Variants in RBPMS observed in about 807,000 individuals in gnomAD.
RBPMS encodes the protein RNA-binding protein with multiple splicing.
RBPMS carries 7 observed loss-of-function variants against 26.8 expected under a neutral mutation model. That is an observed-to-expected ratio of 0.26 (90% confidence interval 0.15 to 0.49). The LOEUF is 0.49. Ranked by LOEUF, RBPMS falls within the 20% of genes least tolerant of loss-of-function variation. The probability of loss-of-function intolerance (pLI) is 0.98; values close to 1 mark genes in which losing one functional copy is unlikely to be tolerated. For synonymous variants in RBPMS, 96 were observed against 93.3 expected (o/e 1.03, Z -0.17); for missense variants, 186 against 250.0 (o/e 0.74, Z 1.73).
intron 6 of RBPMS, among the ~76,000 whole-genome samples, chr8:30,550,225 A>T (rs1346651978): frequency 6.6e-6 from 1 of 151,998 alleles, no homozygotes; most frequent in Non-Finnish European, 1.5e-5. Flanking sequence ...TTTCCTTTCT[A>T]AGCTCATGGC....
At chr8:30,565,197 GA>G (rs1563458927) in intron 7 of RBPMS, 1 of 152,326 alleles carries the variant, frequency 6.6e-6, no homozygotes, top group South Asian at 2.1e-4. Context: ...AAGTTCTGGG[GA>G]AAATGTTTTC....
intron 4 of RBPMS, among the ~76,000 whole-genome samples, chr8:30,483,920 G>C (rs988344394): frequency 6.6e-6 from 1 of 152,096 alleles, no homozygotes; most frequent in Admixed American, 6.6e-5. Context: ...GCATTTACCA[G>C]AATCAAATTC....
intron 6 of RBPMS, among the ~76,000 whole-genome samples, chr8:30,550,385 A>C (rs1826256016): frequency 6.6e-6 from 1 of 152,194 alleles, no homozygotes; most frequent in African/African-American, 2.4e-5. Flanking sequence ...ATAAACACTT[A>C]AGAGAATGCC....
intron 5 of RBPMS, among the ~76,000 whole-genome samples, chr8:30,533,556 A>C (rs1824466528): frequency 6.6e-6 from 1 of 152,162 alleles, no homozygotes; most frequent in African/African-American, 2.4e-5. Context: ...AATTGGCAGT[A>C]AAAGACTTTT....
intron 4 of RBPMS, among the ~76,000 whole-genome samples, chr8:30,489,275 G>A (rs1819121675): frequency 6.6e-6 from 1 of 151,616 alleles, no homozygotes; most frequent in African/African-American, 2.4e-5. Flanking sequence ...TCAAACTCCT[G>A]GCCTCAAGTG....
intron 1 of RBPMS, among the ~76,000 whole-genome samples, chr8:30,466,513 TCCAGCCTGA>T (rs1382494156): frequency 6.6e-6 from 1 of 152,040 alleles, no homozygotes; most frequent in East Asian, 1.9e-4. Flanking sequence ...ACCGCTGCAC[TCCAGCCTGA>T]CCAGAACGAG....
At chr8:30,414,500 C>T (rs746888637) in intron 1 of RBPMS, among the ~76,000 whole-genome samples, 3 of 152,158 alleles carry the variant, frequency 2.0e-5, no homozygotes, top group Non-Finnish European at 4.4e-5. Context: ...CTCTGCTCTG[C>T]TGGGATCCCA....
chr8:30,489,106 GTGCCATCATGA>G (rs1819100653), intron 4 of RBPMS, among the ~76,000 whole-genome samples: 2 of 151,920 alleles, frequency 1.3e-5, no homozygotes, highest in Non-Finnish European at 2.9e-5. Flanking sequence ...GAGTGCAGTG[GTGCCATCATGA>G]CTCACTACAG....
intron 1 of RBPMS, among the ~76,000 whole-genome samples, chr8:30,428,087 G>A (rs560977688): frequency 8.8e-4 from 129 of 146,230 alleles, no homozygotes; most frequent in African/African-American, 2.8e-3. Context: ...GCAGTGATGC[G>A]ATCTTGGCTC....
rs543816402 is a variant in RBPMS at position 30,536,214 on chromosome 8, G to A, written c.398-8280G>A. ...ACGATCTCGGCTCACCGCAACCTCCGCCTCCCAGGTTCAAGCCATTCTCCT... is the reference window on the plus strand; with the variant it reads ...ACGATCTCGGCTCACCGCAACCTCCACCTCCCAGGTTCAAGCCATTCTCCT... On this transcript the variant is annotated intron_variant, in intron 5 of 8. Coordinates refer to ENST00000397323, the MANE Select transcript of RBPMS (RefSeq NM_001008710.3). Among the ~76,000 whole-genome samples the A allele has an allele frequency of 1.2e-3, 169 of 146,930 alleles. 1 individual carries two copies. Among genetic ancestry groups the A allele is most frequent in the Non-Finnish European group, 1.3e-3 (86 of 67,298 alleles).
chr8:30,415,822 T>A (rs1810002657), intron 1 of RBPMS, among the ~76,000 whole-genome samples: 3 of 152,230 alleles, frequency 2.0e-5, no homozygotes, highest in Non-Finnish European at 4.4e-5. Context: ...TTGGAAGAGT[T>A]ATTCCAGGAG....
At chr8:30,481,780 C>G (rs200397138) in intron 4 of RBPMS, among the ~76,000 whole-genome samples, 2 of 152,112 alleles carry the variant, frequency 1.3e-5, no homozygotes, top group Non-Finnish European at 2.9e-5. Flanking sequence ...TTACTGAGCT[C>G]CTGGCTGATC....
At chr8:30,562,150 G>A (rs112615489) in intron 7 of RBPMS, 186 of 485,014 alleles carry the variant, frequency 3.8e-4, no homozygotes, top group African/African-American at 2.4e-3. Flanking sequence ...AGCCAACATG[G>A]TGAAACCCCG....
chr8:30,450,694 T>C (rs1294075020), intron 1 of RBPMS, among the ~76,000 whole-genome samples: 2 of 150,930 alleles, frequency 1.3e-5, no homozygotes, highest in Admixed American at 6.6e-5. Context: ...GAAAACATAA[T>C]TGGAGTTCTA....
chr8:30,416,371 G>A (rs1290038240), intron 1 of RBPMS, among the ~76,000 whole-genome samples: 10 of 151,904 alleles, frequency 6.6e-5, no homozygotes, highest in African/African-American at 1.7e-4. Context: ...TCCCTCTGTC[G>A]CCCAGGCTGG....
At position 30,454,179 on chromosome 8, in the gene RBPMS, T is replaced by C. The variant is rs1288463861; in HGVS notation, c.67-20600T>C. 2.6e-5 allele frequency among the ~76,000 whole-genome samples: 4 copies of C among 152,244 alleles called. No individual in the cohort carries two copies. The East Asian group carries it at 5.8e-4, about 22-fold the overall frequency. ...GCAGCTCAGGATTGCTAGTTTAGTA[T>C]TGAAAACCAGAAAGTGTGTATAGCT... is the stretch of plus-strand genomic sequence containing the variant. On this transcript the variant is annotated intron_variant, in intron 1 of 8. Transcript: ENST00000397323.
chr8:30,549,725 G>A (rs893239590), intron 6 of RBPMS: 93 of 480,822 alleles, frequency 1.9e-4, no homozygotes, highest in Admixed American at 1.2e-3. Flanking sequence ...TCCTGGAGGC[G>A]ATTTCTTTCT....
chr8:30,425,252 T>C (rs1041769251), intron 1 of RBPMS, among the ~76,000 whole-genome samples: 1 of 152,154 alleles, frequency 6.6e-6, no homozygotes, highest in East Asian at 1.9e-4. Flanking sequence ...TTTATTCCAT[T>C]ATTACTACTT....
intron 5 of RBPMS, among the ~76,000 whole-genome samples, chr8:30,506,208 G>A (rs1821056644): frequency 6.6e-6 from 1 of 151,944 alleles, no homozygotes. Context: ...ACTGAGCTTA[G>A]AACTCTTTTC....
Sources: gnomAD v4.1 joint callset for allele counts (sites outside exome capture counted in the v4.1 genomes callset) on GRCh38, gnomAD v4.1.1 for gene constraint, MANE v1.5 for transcripts, NCBI Gene and HGNC (gene_info 2026-07-23, HGNC 2026-07-21) for gene names.